The following MYO5C variants were observed in gnomAD, a reference collection of about 807,000 sequenced individuals.
The protein encoded by MYO5C is unconventional myosin-Vc.
In MYO5C, 194 loss-of-function variants were observed where a neutral mutation model predicts 235.7. The ratio of observed to expected loss-of-function variants is 0.82; its 90% CI spans 0.73 to 0.93. The LOEUF is 0.93. MYO5C is among the 40% of genes least tolerant of loss of function. The pLI is 0.00. For synonymous variants in MYO5C, 707 were observed against 754.8 expected, an observed-to-expected ratio of 0.94 and a Z score of 1.04; for missense variants, 2,038 against 2,127.2, an observed-to-expected ratio of 0.96 and a Z score of 0.82.
chr15:52,255,046 C>T (rs2036552372), intron 11 of MYO5C, among the ~76,000 whole-genome samples: 1 of 149,334 alleles, frequency 6.7e-6, no homozygotes, highest in Non-Finnish European at 1.5e-5. Context: ...GAGTAGGATT[C>T]AATGTTAGGT....
intron 2 of MYO5C, among the ~76,000 whole-genome samples, chr15:52,281,883 T>C (rs563818625): frequency 6.6e-4 from 101 of 152,298 alleles, no homozygotes; most frequent in Non-Finnish European, 1.3e-3. Context: ...TCACATGATG[T>C]TCCCCAGACC....
chr15:52,279,798 T>C (rs1226410079), intron 2 of MYO5C, 124 bp from the exon 3 acceptor site: 4 of 902,010 alleles, frequency 4.4e-6, no homozygotes, highest in East Asian at 2.7e-5. Flanking sequence ...AAAGCAAATG[T>C]ACTTATAGCA....
intron 5 of MYO5C, among the ~76,000 whole-genome samples, chr15:52,274,678 C>CG (rs1555420149): frequency 2.4e-4 from 36 of 147,600 alleles, no homozygotes; most frequent in African/African-American, 3.0e-4. Context: ...GTACCCCCCC[C>CG]CCGACATATG....
At chr15:52,288,205 C>T (rs1387171786) in intron 1 of MYO5C, among the ~76,000 whole-genome samples, 5 of 152,122 alleles carry the variant, frequency 3.3e-5, no homozygotes, top group Non-Finnish European at 5.9e-5. Context: ...TCTCAAAGGA[C>T]CAGGACTCCA....
chr15:52,287,853 C>G (rs1168696847), intron 1 of MYO5C, among the ~76,000 whole-genome samples: 1 of 152,088 alleles, frequency 6.6e-6, no homozygotes, highest in African/African-American at 2.4e-5. Flanking sequence ...GCGCATGCCT[C>G]TAACCCCAGC....
Position 52,223,633 on chromosome 15 carries a change from T to C in MYO5C, c.3538A>G (p.Ile1180Val). 1 of 1,614,224 alleles carries C rather than the reference T, an allele frequency of 6.2e-7. No homozygotes were observed. The highest frequency in any genetic ancestry group is 2.2e-5 in the East Asian group (1 of 44,890). Residue 1180 changes from isoleucine (I) to valine (V), a missense_variant, in exon 29 of 41, where the codon ATC becomes GTC. Transcript: ENST00000261839. ...CTGAATAACTTCTGCAGGTGGTTGA[T>C]TTCTTGACTGAGATGCACCACTTTG... ...NFKVVHLSQE[I>V]NHLQKLFREE...
At chr15:52,291,697 T>G (rs966382709) in intron 1 of MYO5C, among the ~76,000 whole-genome samples, 2 of 151,260 alleles carry the variant, frequency 1.3e-5, no homozygotes, top group African/African-American at 2.4e-5. Context: ...GGCAGTGATA[T>G]GTGTGGTCTT....
intron 37 of MYO5C, 50 bp from the exon 38 acceptor site, chr15:52,205,197 A>G (rs1409251401): frequency 6.3e-7 from 1 of 1,586,966 alleles, no homozygotes; most frequent in African/African-American, 1.4e-5. Flanking sequence ...ACACACGCGG[A>G]ACGTTCCCGA....
Position 52,218,518 on chromosome 15 carries a change from C to T in MYO5C, c.3954+1G>A, listed in dbSNP as rs183199021. ...TATCACCAAGTTAGAAGACTTCTCA[C>T]CCTGTTTTCCAAAGTGAGCCGGGAT... is the stretch of plus-strand genomic sequence containing the variant. On this transcript the variant is annotated splice_donor_variant, in intron 32 of 40. Transcript: ENST00000261839. LOFTEE classifies it high-confidence loss of function. 4.7e-5 allele frequency: 76 copies of T among 1,613,980 alleles called. No individual in the cohort carries two copies. In the African/African-American group the frequency reaches 9.5e-4, roughly 20 times the overall value.
At position 52,244,435 on chromosome 15, in the gene MYO5C, G is replaced by A. The variant is rs548237825; in HGVS notation, c.2311C>T (p.Leu771Phe). The A allele has an allele frequency of 1.9e-6, 3 of 1,614,102 alleles. No homozygotes were observed. The South Asian group carries it at 3.3e-5, about 18-fold the overall frequency. Residue 771 changes from leucine (L) to phenylalanine (F), a missense_variant, in exon 19 of 41, where the codon CTC (leucine) becomes TTC (phenylalanine). Physicochemically the swap from Leu to Phe is conservative, Grantham distance 22. Transcript: ENST00000261839. ...VMVQKHMRGW[L>F]QRKKFLRERR... ...TCTCGGAGGAATTTTTTCCTCTGGAGCCAGCCACGCATGTGCTTTTGTACC... is the reference window on the plus strand; with the variant it reads ...TCTCGGAGGAATTTTTTCCTCTGGAACCAGCCACGCATGTGCTTTTGTACC...
In MYO5C at chr15:52,225,126, T is replaced by A; in HGVS notation, c.3314A>T (p.Glu1105Val). The change falls in exon 27 of 41, where the codon GAG (glutamate) becomes GTG (valine). Residue 1105 changes from glutamate to valine, a missense_variant. By Grantham distance (121) the Glu-to-Val change is moderately radical. Coordinates refer to ENST00000261839, the MANE Select transcript of MYO5C (RefSeq NM_018728.4). ...QKREMREKMS[E>V]ITKQLLESYD... ...GCTTTCGAGAAGTTGTTTGGTGATCTCTGACATCTTTTCTGAAAGGGAAAG... is the reference window on the plus strand; with the variant it reads ...GCTTTCGAGAAGTTGTTTGGTGATCACTGACATCTTTTCTGAAAGGGAAAG... The A allele has an allele frequency of 1.2e-6, 2 of 1,614,100 alleles. No individual in the cohort carries two copies. Among genetic ancestry groups the A allele is most frequent in the Non-Finnish European group, 1.7e-6 (2 of 1,180,006 alleles).
At chr15:52,202,905 T>C (rs1174938174) in intron 38 of MYO5C, among the ~76,000 whole-genome samples, 3 of 148,132 alleles carry the variant, frequency 2.0e-5, no homozygotes, top group Admixed American at 1.4e-4. Context: ...TATATATTTA[T>C]GGGGTACATG....
chr15:52,218,574 C>A lies in MYO5C; in HGVS notation c.3899G>T (p.Ser1300Ile). 14 of 1,614,208 alleles carry A rather than the reference C, an allele frequency of 8.7e-6. No individual in the cohort carries two copies. The highest frequency in any genetic ancestry group is 1.2e-5 in the Non-Finnish European group (14 of 1,180,042). The change falls in exon 32 of 41, where the codon AGT becomes ATT. Residue 1300 changes from serine (S) to isoleucine (I), a missense_variant. Physicochemically the swap from Ser to Ile is moderately radical, Grantham distance 142. Transcript: ENST00000261839. ...CTGCCGGAAGTTACACTTGACTTCA[C>A]TTTCAGTTTCAAATTGTTTCTTCAA... Reference protein sequence around the residue: ...DHLKKQFETESEVKCNFRQEA... With the variant: ...DHLKKQFETEIEVKCNFRQEA...
Position 52,245,436 on chromosome 15 carries a change from T to C in MYO5C, c.2096A>G (p.Tyr699Cys). 1 of 1,614,062 alleles carries C rather than the reference T, an allele frequency of 6.2e-7. No homozygotes were observed. Among genetic ancestry groups the C allele is most frequent in the Non-Finnish European group, 8.5e-7 (1 of 1,179,942 alleles). ...RWTYIEFYSR[Y>C]GILMTKQELS... ...CTCTTGCTTGGTCATGAGAATGCCG[T>C]AGCGACTGTAGAACTCGATGTATGT... Residue 699 changes from tyrosine (Y) to cysteine (C), a missense_variant, in exon 18 of 41, where the codon TAC becomes TGC. Tyr to Cys is a radical substitution (Grantham distance 194). Transcript: ENST00000261839.
At chr15:52,292,773 G>A (rs2037419181) in intron 1 of MYO5C, among the ~76,000 whole-genome samples, 1 of 152,252 alleles carries the variant, frequency 6.6e-6, no homozygotes, top group African/African-American at 2.4e-5. Context: ...GCTAGCTGCA[G>A]AGGCTTTCTC....
chr15:52,289,432 T>C (rs918295318), intron 1 of MYO5C, among the ~76,000 whole-genome samples: 1 of 152,208 alleles, frequency 6.6e-6, no homozygotes, highest in African/African-American at 2.4e-5. Context: ...ACGCTCCTCC[T>C]TCCTAGCTCT....
chr15:52,205,340 T>C, intron 37 of MYO5C, 193 bp from the exon 38 acceptor site: 1 of 624,780 alleles, frequency 1.6e-6, no homozygotes, highest in Non-Finnish European at 2.7e-6. Flanking sequence ...TGGACGGCTG[T>C]TTCCAGCGGG....
intron 20 of MYO5C, 138 bp from the exon 21 acceptor site, chr15:52,240,017 T>TA: frequency 1.2e-6 from 1 of 866,088 alleles, no homozygotes; most frequent in Non-Finnish European, 1.7e-6. Flanking sequence ...GTATTACAGC[T>TA]AGACTTTTCA....
chr15:52,289,646 G>A (rs2037346963), intron 1 of MYO5C, among the ~76,000 whole-genome samples: 1 of 151,156 alleles, frequency 6.6e-6, no homozygotes, highest in Non-Finnish European at 1.5e-5. Flanking sequence ...TGGTGCAGCA[G>A]CCCCCGGAGG....
Sources: allele counts gnomAD v4.1 joint callset (sites outside exome capture counted in the v4.1 genomes callset), GRCh38; gene constraint gnomAD v4.1.1; transcripts MANE v1.5; gene names NCBI Gene and HGNC (gene_info 2026-07-23, HGNC 2026-07-21).